Variants in NT5DC1 observed in about 807,000 individuals in gnomAD.
NT5DC1 encodes 5'-nucleotidase domain-containing protein 1.
A neutral mutation model predicts 59.4 loss-of-function variants in NT5DC1; 42 were observed. That is an observed-to-expected ratio of 0.71 (90% confidence interval 0.55 to 0.92). The LOEUF (loss-of-function observed/expected upper bound fraction) is 0.92. Ranked by LOEUF, NT5DC1 falls within the 40% of genes least tolerant of loss-of-function variation. NT5DC1 has a pLI of 0.00. For missense variants in NT5DC1, 501 were observed against 537.1 expected (o/e 0.93, Z 0.66); for synonymous variants, 172 against 188.1 (o/e 0.91, Z 0.70).
chr6:116,142,014 C>CA lies in NT5DC1; in HGVS notation c.529+24077dup, dbSNP rs1441428118. ...TGACAAAGTTACTTAGATGAAAACT[C>CA]AAAAAAAAGATTTGTTACTTCTGAG... On this transcript the variant is annotated intron_variant, in intron 6 of 11. Transcript: ENST00000319550. 5.3e-5 allele frequency among the ~76,000 whole-genome samples: 8 copies of CA among 150,202 alleles called. 1 individual carries two copies. The Middle Eastern group carries it at 9.6e-3, about 179-fold the overall frequency.
intron 6 of NT5DC1, among the ~76,000 whole-genome samples, chr6:116,143,886 G>A (rs1013830550): frequency 2.0e-5 from 3 of 152,074 alleles, no homozygotes; most frequent in Non-Finnish European, 4.4e-5. Flanking sequence ...TGTTTTCTCT[G>A]TTAGATTTTA....
chr6:116,120,833 C>T lies in NT5DC1; in HGVS notation c.529+2888C>T, dbSNP rs1477760315. The T allele has an allele frequency of 2.5e-6, 4 of 1,613,870 alleles. No individual in the cohort carries two copies. The African/African-American group carries it at 5.3e-5, about 22-fold the overall frequency. ...ATTGTGTCCGGGCATTCCCTTTGCT[C>T]CTGCTGGGCCCACAGGGCCTGGGAG... On this transcript the variant is annotated intron_variant, in intron 6 of 11. Transcript: ENST00000319550.
chr6:116,137,140 T>G (rs1456191183), intron 6 of NT5DC1: 1 of 204,528 alleles, frequency 4.9e-6, no homozygotes, highest in Non-Finnish European at 1.1e-5. Context: ...TCTCCTTTTC[T>G]GCAGTCTTGC....
At chr6:116,239,682 A>C (rs1192703285) in intron 11 of NT5DC1, among the ~76,000 whole-genome samples, 1 of 152,242 alleles carries the variant, frequency 6.6e-6, no homozygotes, top group Non-Finnish European at 1.5e-5. Context: ...TGGATTGAGG[A>C]GATTTCAGAT....
chr6:116,128,236 A>G (rs916473300), intron 6 of NT5DC1, among the ~76,000 whole-genome samples: 3 of 152,150 alleles, frequency 2.0e-5, no homozygotes, highest in Non-Finnish European at 4.4e-5. Flanking sequence ...CAAATAGTGT[A>G]CTTATTTCAG....
intron 6 of NT5DC1, among the ~76,000 whole-genome samples, chr6:116,190,517 C>T (rs1781094672): frequency 6.6e-6 from 1 of 151,844 alleles, no homozygotes; most frequent in African/African-American, 2.4e-5. Flanking sequence ...AACAAGCATC[C>T]CCCCACCTCC....
intron 6 of NT5DC1, among the ~76,000 whole-genome samples, chr6:116,208,759 T>G (rs1781511618): frequency 6.6e-6 from 1 of 152,012 alleles, no homozygotes; most frequent in African/African-American, 2.4e-5. Flanking sequence ...CCTGAAAACA[T>G]CTTATTCAGA....
At chr6:116,228,244 C>A (rs184637185) in intron 8 of NT5DC1, among the ~76,000 whole-genome samples, 2 of 152,138 alleles carry the variant, frequency 1.3e-5, no homozygotes, top group East Asian at 1.9e-4. Flanking sequence ...AGCGGTGGCT[C>A]ACGCCTGTAA....
chr6:116,203,154 T>G lies in NT5DC1; in HGVS notation c.530-17900T>G, dbSNP rs184230668. ...AAACCAAATTACCAAGTGGTTGCTT[T>G]TCTATACTAAACAGTTTTACAGTAT... is the stretch of plus-strand genomic sequence containing the variant. On this transcript the variant is annotated intron_variant, in intron 6 of 11. Transcript: ENST00000319550. Among the ~76,000 whole-genome samples, 776 of 152,140 alleles carry G rather than the reference T, an allele frequency of 5.1e-3. 6 individuals carry two copies. Among genetic ancestry groups the G allele is most frequent in the African/African-American group, 0.017 (718 of 41,548 alleles).
intron 8 of NT5DC1, among the ~76,000 whole-genome samples, chr6:116,224,411 TCAG>T (rs1781869163): frequency 6.6e-6 from 1 of 152,154 alleles, no homozygotes; most frequent in Admixed American, 6.5e-5. Flanking sequence ...TGTGAGCACA[TCAG>T]CAAGTGCAAG....
chr6:116,248,026 A>T lies in NT5DC1; in HGVS notation c.*4002A>T, dbSNP rs1771882800. 1 of 152,246 alleles carries T rather than the reference A, an allele frequency of 6.6e-6. No individual in the cohort carries two copies. Among genetic ancestry groups the T allele is most frequent in the African/African-American group, 2.4e-5 (1 of 41,472 alleles). 9.4% of individuals were successfully genotyped at this position (152,246 alleles called of 1,614,324 possible). A position where few individuals can be genotyped will look rare whatever the true frequency, so the allele number is the denominator to read the frequency against. On this transcript the variant is annotated 3_prime_UTR_variant, in exon 12 of 12. Coordinates refer to ENST00000319550, the MANE Select transcript of NT5DC1 (RefSeq NM_152729.3). ...GTAACTGTATGGAGTCCTGTATTAAATCAAGTGATAAAATGTACCCTTCTC... is the reference window on the plus strand; with the variant it reads ...GTAACTGTATGGAGTCCTGTATTAATTCAAGTGATAAAATGTACCCTTCTC...
chr6:116,161,494 T>C (rs905573131), intron 6 of NT5DC1, among the ~76,000 whole-genome samples: 4 of 152,026 alleles, frequency 2.6e-5, no homozygotes, highest in African/African-American at 9.7e-5. Context: ...TTGAGTAGGG[T>C]ATCCTTTCCC....
intron 6 of NT5DC1, among the ~76,000 whole-genome samples, chr6:116,160,388 A>G (rs1780298850): frequency 6.6e-6 from 1 of 151,880 alleles, no homozygotes. Context: ...CATTTTCCAT[A>G]TGTTTGTTGG....
chr6:116,184,470 A>T (rs1031357137), intron 6 of NT5DC1, among the ~76,000 whole-genome samples: 1 of 151,972 alleles, frequency 6.6e-6, no homozygotes, highest in Non-Finnish European at 1.5e-5. Flanking sequence ...ATTGGTACCA[A>T]TTCTTTGAAT....
At chr6:116,172,134 T>G (rs1562149632) in intron 6 of NT5DC1, among the ~76,000 whole-genome samples, 1 of 152,216 alleles carries the variant, frequency 6.6e-6, no homozygotes, top group Non-Finnish European at 1.5e-5. Context: ...CCTAACCTGT[T>G]GTAAATTTGT....
chr6:116,155,791 T>C (rs1208154705), intron 6 of NT5DC1, among the ~76,000 whole-genome samples: 2 of 151,244 alleles, frequency 1.3e-5, no homozygotes, highest in East Asian at 3.9e-4. Context: ...AAGTTGTGTG[T>C]GTACTGAAAT....
chr6:116,245,262 CTG>C lies in NT5DC1; in HGVS notation c.*1240_*1241del, dbSNP rs1422430601. On this transcript the variant is annotated 3_prime_UTR_variant, in exon 12 of 12. Transcript: ENST00000319550. ...CTACTGTTTATGCTGTGATTTCACT[CTG>C]TCTATCATGGGCAGTATTAGAAAAC... The C allele has an allele frequency of 2.0e-5, 3 of 152,308 alleles. No individual in the cohort carries two copies. Among genetic ancestry groups the C allele is most frequent in the Non-Finnish European group, 4.4e-5 (3 of 68,026 alleles). The allele number at this position is 152,308 out of a possible 1,614,324, so 9.4% of individuals were successfully genotyped here.
rs1254206108 is a variant in NT5DC1, at chr6:116,248,324, A to G, written c.*4300A>G. On this transcript the variant is annotated 3_prime_UTR_variant, in exon 12 of 12. Coordinates refer to ENST00000319550, the MANE Select transcript of NT5DC1 (RefSeq NM_152729.3). ...TAATATGTGCACTTCGAAGTGCCTGACATATCTCAGATCTTTTGAGGAGAT... is the reference window on the plus strand; with the variant it reads ...TAATATGTGCACTTCGAAGTGCCTGGCATATCTCAGATCTTTTGAGGAGAT... 2 of 152,230 alleles carry G rather than the reference A, an allele frequency of 1.3e-5. No individual in the cohort carries two copies. Among genetic ancestry groups the G allele is most frequent in the Non-Finnish European group, 2.9e-5 (2 of 68,040 alleles). 9.4% of individuals were successfully genotyped at this position (152,230 alleles called of 1,614,324 possible).
At chr6:116,121,443 T>C in intron 6 of NT5DC1, 1 of 1,613,992 alleles carries the variant, frequency 6.2e-7, no homozygotes, top group South Asian at 1.1e-5. Context: ...GGAACCCCAT[T>C]TTCACCTCTT....
Sources: allele counts gnomAD v4.1 joint callset (sites outside exome capture counted in the v4.1 genomes callset), GRCh38; gene constraint gnomAD v4.1.1; transcripts MANE v1.5; gene names NCBI Gene and HGNC (gene_info 2026-07-23, HGNC 2026-07-21).